GRIN2B: variants seen among roughly 807,000 people sequenced by gnomAD.
GRIN2B encodes the protein glutamate ionotropic receptor NMDA type subunit 2B, also known as glutamate receptor ionotropic, NMDA 2B.
GRIN2B carries 5 observed loss-of-function variants against 114.5 expected under a neutral mutation model. The observed-to-expected ratio is 0.04, with a 90% CI of 0.02 to 0.09. The LOEUF is 0.09. GRIN2B is among the 10% of genes least tolerant of loss of function. The pLI is 1.00. For missense variants in GRIN2B, 1,108 were observed against 1,943.5 expected (o/e 0.57, Z 8.08); for synonymous variants, 787 against 745.1 (o/e 1.06, Z -0.92).
chr12:13,854,217 G>A (rs779855172), intron 3 of GRIN2B, among the ~76,000 whole-genome samples: 4 of 152,084 alleles, frequency 2.6e-5, no homozygotes, highest in African/African-American at 7.2e-5. Context: ...ACATGCACAT[G>A]AAACAAGAAG....
At chr12:13,809,968 T>A (rs1282510010) in intron 3 of GRIN2B, among the ~76,000 whole-genome samples, 1 of 152,166 alleles carries the variant, frequency 6.6e-6, no homozygotes, top group Non-Finnish European at 1.5e-5. Context: ...AGTCAGGAGA[T>A]CTTCTTGCTC....
chr12:13,627,158 A>G (rs1378042722), intron 5 of GRIN2B, among the ~76,000 whole-genome samples: 1 of 152,168 alleles, frequency 6.6e-6, no homozygotes, highest in East Asian at 1.9e-4. Flanking sequence ...GGCAGAAGCT[A>G]CTGAAAAGTA....
intron 3 of GRIN2B, among the ~76,000 whole-genome samples, chr12:13,765,358 C>T (rs1193448873): frequency 6.6e-6 from 1 of 152,218 alleles, no homozygotes; most frequent in East Asian, 1.9e-4. Context: ...CAATTTTCTT[C>T]AGTTACCTAA....
At chr12:13,858,430 A>G (rs1865699564) in intron 3 of GRIN2B, among the ~76,000 whole-genome samples, 1 of 152,218 alleles carries the variant, frequency 6.6e-6, no homozygotes, top group South Asian at 2.1e-4. Flanking sequence ...ATCAAAATAC[A>G]ATTTTGAATA....
intron 2 of GRIN2B, among the ~76,000 whole-genome samples, chr12:13,971,924 G>T (rs898119848): frequency 6.6e-6 from 1 of 152,102 alleles, no homozygotes; most frequent in Non-Finnish European, 1.5e-5. Flanking sequence ...ACTAAGTACC[G>T]TCATATCCCA....
intron 4 of GRIN2B, among the ~76,000 whole-genome samples, chr12:13,693,183 T>G (rs1260375930): frequency 6.6e-6 from 1 of 152,156 alleles, no homozygotes; most frequent in African/African-American, 2.4e-5. Context: ...AGAGATACTA[T>G]AGGAACTTAA....
At chr12:13,708,106 C>A (rs1333817962) in intron 4 of GRIN2B, among the ~76,000 whole-genome samples, 1 of 152,006 alleles carries the variant, frequency 6.6e-6, no homozygotes, top group Non-Finnish European at 1.5e-5. Context: ...CTATCCCAGA[C>A]CAAAAGGTGA....
At chr12:13,812,934 T>C (rs1017003745) in intron 3 of GRIN2B, among the ~76,000 whole-genome samples, 1 of 147,488 alleles carries the variant, frequency 6.8e-6, no homozygotes, top group Non-Finnish European at 1.5e-5. Flanking sequence ...TTGGGAATTT[T>C]TTTTTTTTTT....
intron 2 of GRIN2B, among the ~76,000 whole-genome samples, chr12:13,979,528 GAAA>G (rs201870750): frequency 6.9e-5 from 7 of 101,804 alleles, no homozygotes; most frequent in Admixed American, 1.1e-4. Context: ...AAGCCAACCT[GAAA>G]AAAAAAAAAA....
In GRIN2B at chr12:13,912,782, T is replaced by C. The variant is rs554715971; in HGVS notation, c.-18-46556A>G. 8.3e-4 allele frequency among the ~76,000 whole-genome samples: 126 copies of C among 152,180 alleles called. 1 individual carries two copies. Among genetic ancestry groups the C allele is most frequent in the African/African-American group, 2.8e-3 (115 of 41,520 alleles). On this transcript the variant is annotated intron_variant, in intron 2 of 13. Coordinates refer to ENST00000609686, the MANE Select transcript of GRIN2B (RefSeq NM_000834.5). ...TCATGGAGTTCTTCGGGGGAGTGAATGCATGTGTATTTTGTAAAGTGCACT... is the reference window on the plus strand; with the variant it reads ...TCATGGAGTTCTTCGGGGGAGTGAACGCATGTGTATTTTGTAAAGTGCACT...
chr12:13,707,590 C>G (rs1335246738), intron 4 of GRIN2B, among the ~76,000 whole-genome samples: 1 of 151,936 alleles, frequency 6.6e-6, no homozygotes, highest in Non-Finnish European at 1.5e-5. Flanking sequence ...ACAACTAAAT[C>G]AGGGAAATCA....
Position 13,917,428 on chromosome 12 carries a change from G to A in GRIN2B, c.-18-51202C>T, listed in dbSNP as rs953482524. 3.3e-5 allele frequency among the ~76,000 whole-genome samples: 5 copies of A among 152,118 alleles called. No homozygotes were observed. The East Asian group carries it at 7.7e-4, about 23-fold the overall frequency. On this transcript the variant is annotated intron_variant, in intron 2 of 13. Transcript: ENST00000609686. ...CCTCTGGGTGGGCCGGCTGTATTGCGAAGTGCTGTGGTACTTAAATAAGAG... is the reference window on the plus strand; with the variant it reads ...CCTCTGGGTGGGCCGGCTGTATTGCAAAGTGCTGTGGTACTTAAATAAGAG...
intron 3 of GRIN2B, among the ~76,000 whole-genome samples, chr12:13,760,286 G>A (rs1327934572): frequency 2.0e-5 from 3 of 152,170 alleles, no homozygotes; most frequent in Non-Finnish European, 4.4e-5. Context: ...CCACAATTAT[G>A]GAATTGAGGT....
At chr12:13,864,459 A>G (rs973953746) in intron 3 of GRIN2B, among the ~76,000 whole-genome samples, 6 of 152,246 alleles carry the variant, frequency 3.9e-5, no homozygotes, top group Admixed American at 1.3e-4. Context: ...TGTGGTGATA[A>G]AAAGTATGAC....
chr12:13,954,811 GAAAAA>G (rs61525874), intron 2 of GRIN2B, among the ~76,000 whole-genome samples: 1 of 25,552 alleles, frequency 3.9e-5, no homozygotes, highest in African/African-American at 1.1e-4. Context: ...TCCGTCTCAG[GAAAAA>G]AAAAAAAAAA....
chr12:13,696,584 C>T (rs1467070500), intron 4 of GRIN2B, among the ~76,000 whole-genome samples: 1 of 152,144 alleles, frequency 6.6e-6, no homozygotes, highest in African/African-American at 2.4e-5. Flanking sequence ...ACTTCTACTC[C>T]AATATGTGCC....
chr12:13,852,369 G>T (rs1219191306), intron 3 of GRIN2B, among the ~76,000 whole-genome samples: 1 of 152,182 alleles, frequency 6.6e-6, no homozygotes, highest in Non-Finnish European at 1.5e-5. Context: ...CTCAAAAGGA[G>T]AAGCAGCCAT....
At chr12:13,810,441 C>T (rs945977216) in intron 3 of GRIN2B, among the ~76,000 whole-genome samples, 1 of 152,104 alleles carries the variant, frequency 6.6e-6, no homozygotes, top group African/African-American at 2.4e-5. Flanking sequence ...ACTGTGTCTA[C>T]TCAGTAGCTT....
intron 3 of GRIN2B, among the ~76,000 whole-genome samples, chr12:13,822,759 G>C (rs754161960): frequency 2.0e-5 from 3 of 148,490 alleles, no homozygotes; most frequent in African/African-American, 5.0e-5. Context: ...GCATACATCC[G>C]CCAATCTTTT....
Sources: gnomAD v4.1 joint callset for allele counts (sites outside exome capture counted in the v4.1 genomes callset) on GRCh38, gnomAD v4.1.1 for gene constraint, MANE v1.5 for transcripts, NCBI Gene and HGNC (gene_info 2026-07-23, HGNC 2026-07-21) for gene names.